Variants in KCNK2 observed in about 807,000 individuals in gnomAD.
KCNK2 encodes the protein potassium two pore domain channel subfamily K member 2.
Under a neutral mutation model 40.5 loss-of-function variants are expected in KCNK2, and 21 were observed. That is an observed-to-expected ratio of 0.52 (90% confidence interval 0.37 to 0.75). The LOEUF is 0.75. KCNK2 is among the 30% of genes least tolerant of loss of function. The probability of loss-of-function intolerance (pLI) is 0.00; values close to 1 mark genes in which losing one functional copy is unlikely to be tolerated. For synonymous variants in KCNK2, 191 were observed against 202.2 expected (o/e 0.94, Z 0.47); for missense variants, 399 against 531.6 (o/e 0.75, Z 2.45).
chr1:215,073,767 G>A (rs186203022), intron 1 of KCNK2, among the ~76,000 whole-genome samples: 115 of 152,224 alleles, frequency 7.6e-4, no homozygotes, highest in Non-Finnish European at 1.2e-3. Context: ...CCTCACATGC[G>A]TCTTATTTGG....
Position 215,179,922 on chromosome 1 carries a change from T to C in KCNK2, c.823+7739T>C, listed in dbSNP as rs903093994. 2.6e-5 allele frequency among the ~76,000 whole-genome samples: 4 copies of C among 152,150 alleles called. No homozygotes were observed. The East Asian group carries it at 7.7e-4, about 29-fold the overall frequency. Reference sequence around the variant, plus strand: ...TTAAGCCCAGAACTTCTTAGTTTTCTGCCTTGATGATCTTTCTAATGCTGG... The same window carrying C: ...TTAAGCCCAGAACTTCTTAGTTTTCCGCCTTGATGATCTTTCTAATGCTGG... On this transcript the variant is annotated intron_variant, in intron 5 of 6. Transcript: ENST00000444842.
At chr1:215,007,189 A>ATATATGTGTG (rs1656205398) in intron 1 of KCNK2, among the ~76,000 whole-genome samples, 1 of 22,886 alleles carries the variant, frequency 4.4e-5, no homozygotes, top group African/African-American at 1.9e-4. Context: ...GTGTGGGTAT[A>ATATATGTGTG]TATATATATA....
At chr1:215,084,798 T>A (rs571765065) in intron 1 of KCNK2, among the ~76,000 whole-genome samples, 5 of 152,326 alleles carry the variant, frequency 3.3e-5, no homozygotes, top group Non-Finnish European at 5.9e-5. Context: ...GTACATGGAA[T>A]CTCCACTTGG....
rs1272950631 is a variant in KCNK2, at chr1:215,177,684, G to T, written c.823+5501G>T. Among the ~76,000 whole-genome samples, 8 of 143,194 alleles carry T rather than the reference G, an allele frequency of 5.6e-5. No homozygotes were observed. In the East Asian group the frequency reaches 1.6e-3, roughly 29 times the overall value. 93.9% of individuals were successfully genotyped at this position (143,194 alleles called of 152,430 possible). On this transcript the variant is annotated intron_variant, in intron 5 of 6. Transcript: ENST00000444842. The stretch of plus-strand genomic sequence containing the variant: ...ACTGTAGGTGTGTGGTTTATTTCTG[G>T]GTTCTCTATTCTGCTCCACTGGCCT...
At chr1:215,131,657 C>G (rs1661688128) in intron 3 of KCNK2, among the ~76,000 whole-genome samples, 2 of 149,720 alleles carry the variant, frequency 1.3e-5, no homozygotes, top group Non-Finnish European at 3.0e-5. Flanking sequence ...ATTATTATAT[C>G]TGAGTGTCAG....
intron 1 of KCNK2, among the ~76,000 whole-genome samples, chr1:215,059,201 T>C (rs1400503395): frequency 6.6e-6 from 1 of 151,990 alleles, no homozygotes; most frequent in Non-Finnish European, 1.5e-5. Flanking sequence ...CCCTAGAATT[T>C]TAGCTCCAGG....
chr1:215,036,953 C>T lies in KCNK2; in HGVS notation c.34+30998C>T, dbSNP rs374469678. ...TTTAGAATTTACTAAGTGATGCCATCTGTAGATTTATTTTACTTCTTCCTT... is the reference window on the plus strand; with the variant it reads ...TTTAGAATTTACTAAGTGATGCCATTTGTAGATTTATTTTACTTCTTCCTT... On this transcript the variant is annotated intron_variant, in intron 1 of 6. Transcript: ENST00000391895. 2.7e-5 allele frequency among the ~76,000 whole-genome samples: 4 copies of T among 146,324 alleles called. No homozygotes were observed. The East Asian group carries it at 8.0e-4, about 29-fold the overall frequency.
chr1:215,145,815 A>G (rs4303048), intron 3 of KCNK2, among the ~76,000 whole-genome samples: 116,804 of 152,028 alleles, frequency 0.77, 45,173 homozygotes, highest in Non-Finnish European at 0.79. Flanking sequence ...CTTTCAATAC[A>G]CAGGAAAACT....
chr1:215,105,963 T>C (rs983584571), intron 2 of KCNK2, among the ~76,000 whole-genome samples: 24 of 152,178 alleles, frequency 1.6e-4, no homozygotes, highest in Non-Finnish European at 2.8e-4. Context: ...ATGGTGTATA[T>C]GTACCACATT....
intron 6 of KCNK2, among the ~76,000 whole-genome samples, chr1:215,206,206 G>C (rs867121714): frequency 2.6e-5 from 4 of 152,194 alleles, no homozygotes; most frequent in Middle Eastern, 6.8e-3. Context: ...AATCGGTTTT[G>C]TATGTAAAAT....
At chr1:215,122,055 T>A (rs1448927723) in intron 2 of KCNK2, among the ~76,000 whole-genome samples, 1 of 152,130 alleles carries the variant, frequency 6.6e-6, no homozygotes, top group East Asian at 1.9e-4. Flanking sequence ...TATTTATGTA[T>A]ACAACAGCAA....
At chr1:215,038,073 C>G (rs1303028336) in intron 1 of KCNK2, among the ~76,000 whole-genome samples, 1 of 151,976 alleles carries the variant, frequency 6.6e-6, no homozygotes. Context: ...TTCTCCTAAT[C>G]TTGGGGCAAG....
chr1:215,028,825 T>C (rs918658905), intron 1 of KCNK2, among the ~76,000 whole-genome samples: 4 of 152,220 alleles, frequency 2.6e-5, no homozygotes, highest in African/African-American at 7.2e-5. Flanking sequence ...CTAGACAACA[T>C]TGTTCTGATT....
chr1:215,151,628 A>G (rs773400081), intron 3 of KCNK2, among the ~76,000 whole-genome samples: 4 of 152,066 alleles, frequency 2.6e-5, no homozygotes, highest in Non-Finnish European at 5.9e-5. Context: ...TAGATTTGAT[A>G]AAAATTGATA....
intron 2 of KCNK2, among the ~76,000 whole-genome samples, chr1:215,122,569 T>A (rs1302126236): frequency 6.6e-6 from 1 of 152,054 alleles, no homozygotes; most frequent in Non-Finnish European, 1.5e-5. Flanking sequence ...TTATTCATGA[T>A]AAGGGTTATA....
intron 2 of KCNK2, among the ~76,000 whole-genome samples, chr1:215,123,023 C>T (rs6683041): frequency 0.57 from 86,077 of 151,730 alleles, 26,371 homozygotes; most frequent in Non-Finnish European, 0.68. Flanking sequence ...GGATTACAGG[C>T]GTGAGCCACC....
intron 2 of KCNK2, among the ~76,000 whole-genome samples, chr1:215,103,486 T>A (rs1660307335): frequency 6.6e-6 from 1 of 152,038 alleles, no homozygotes; most frequent in Non-Finnish European, 1.5e-5. Context: ...TGTAATTATT[T>A]TATTCTTAAT....
At chr1:215,140,561 T>A (rs1353525752) in intron 3 of KCNK2, among the ~76,000 whole-genome samples, 1 of 152,180 alleles carries the variant, frequency 6.6e-6, no homozygotes, top group African/African-American at 2.4e-5. Context: ...AAGTGTTAGA[T>A]AATGGTAAGT....
rs11588647 is a variant in KCNK2 at position 215,235,990 on chromosome 1, T to C, written c.*845T>C. On this transcript the variant is annotated 3_prime_UTR_variant, in exon 7 of 7. Transcript: ENST00000444842. ...AAACAATCCCCTTTTTTCCTGGCAGTATTTGGAATTTATCATTTATTAATA... is the reference window on the plus strand; with the variant it reads ...AAACAATCCCCTTTTTTCCTGGCAGCATTTGGAATTTATCATTTATTAATA... 1 of 152,466 alleles carries C rather than the reference T, an allele frequency of 6.6e-6. No homozygotes were observed. The highest frequency in any genetic ancestry group is 1.9e-4 in the East Asian group (1 of 5,142). The allele number at this position is 152,466 out of a possible 1,614,324, so 9.4% of individuals were successfully genotyped here.
Sources: allele counts gnomAD v4.1 joint callset (sites outside exome capture counted in the v4.1 genomes callset), GRCh38; gene constraint gnomAD v4.1.1; transcripts MANE v1.5; gene names NCBI Gene and HGNC (gene_info 2026-07-23, HGNC 2026-07-21).